The following ADD3 variants were observed in gnomAD, a reference collection of about 807,000 sequenced individuals.
ADD3 encodes the protein gamma-adducin.
Under a neutral mutation model 80.2 loss-of-function variants are expected in ADD3, and 25 were observed. The ratio of observed to expected loss-of-function variants is 0.31; its 90% CI spans 0.23 to 0.44. The LOEUF (loss-of-function observed/expected upper bound fraction) is 0.44, where lower values mean the gene tolerates loss of function less well. Ranked by LOEUF, ADD3 falls within the 20% of genes least tolerant of loss-of-function variation. The probability of loss-of-function intolerance (pLI) is 1.00; values close to 1 mark genes in which losing one functional copy is unlikely to be tolerated. For missense variants in ADD3, 829 were observed against 847.5 expected (o/e 0.98, Z 0.27); for synonymous variants, 284 against 289.6 (o/e 0.98, Z 0.20).
intron 1 of ADD3, among the ~76,000 whole-genome samples, chr10:110,011,820 C>T (rs779683783): frequency 1.3e-5 from 2 of 152,128 alleles, no homozygotes; most frequent in African/African-American, 4.8e-5. Flanking sequence ...GTTTGAACTC[C>T]GGGTCCATGC....
intron 3 of ADD3, among the ~76,000 whole-genome samples, chr10:110,115,898 T>G (rs925425259): frequency 3.3e-5 from 5 of 152,212 alleles, no homozygotes; most frequent in African/African-American, 1.2e-4. Flanking sequence ...GAAAAGTAGC[T>G]TTCTGTTGAG....
intron 1 of ADD3, among the ~76,000 whole-genome samples, chr10:110,054,519 G>A (rs1393648460): frequency 6.9e-6 from 1 of 145,554 alleles, no homozygotes; most frequent in Non-Finnish European, 1.5e-5. Context: ...TCGGCTCACT[G>A]CAACCTCCAC....
chr10:110,032,202 G>A (rs554084716), intron 1 of ADD3, among the ~76,000 whole-genome samples: 7 of 152,200 alleles, frequency 4.6e-5, no homozygotes, highest in Non-Finnish European at 7.3e-5. Flanking sequence ...TATTAAGCTG[G>A]ATAAGTGTTA....
At chr10:110,044,739 A>G (rs1482069630) in intron 1 of ADD3, among the ~76,000 whole-genome samples, 2 of 152,386 alleles carry the variant, frequency 1.3e-5, no homozygotes, top group East Asian at 3.9e-4. Context: ...ATGAGATTCA[A>G]TTAATAAGAC....
chr10:110,049,096 TGC>T (rs1432819378), intron 1 of ADD3, among the ~76,000 whole-genome samples: 13 of 152,226 alleles, frequency 8.5e-5, no homozygotes, highest in African/African-American at 3.1e-4. Context: ...TTACAGCTCA[TGC>T]TGTGGCCTCA....
intron 3 of ADD3, among the ~76,000 whole-genome samples, chr10:110,114,803 C>T (rs1247510467): frequency 6.6e-6 from 1 of 152,120 alleles, no homozygotes; most frequent in African/African-American, 2.4e-5. Context: ...CTAGGCTGGG[C>T]ACAGTGGCTC....
At chr10:110,071,483 A>G (rs1844705145) in intron 1 of ADD3, among the ~76,000 whole-genome samples, 1 of 152,224 alleles carries the variant, frequency 6.6e-6, no homozygotes, top group African/African-American at 2.4e-5. Flanking sequence ...TATTTCGTAT[A>G]TTGTGGCTAT....
At chr10:110,023,317 A>G (rs1386683261) in intron 1 of ADD3, among the ~76,000 whole-genome samples, 1 of 152,194 alleles carries the variant, frequency 6.6e-6, no homozygotes, top group Non-Finnish European at 1.5e-5. Context: ...TGAACAAGGA[A>G]GCTGGCCTTT....
intron 1 of ADD3, among the ~76,000 whole-genome samples, chr10:110,023,180 T>C (rs954996493): frequency 1.3e-5 from 2 of 152,140 alleles, no homozygotes; most frequent in African/African-American, 4.8e-5. Context: ...GTATTTGGTG[T>C]GTGATGGTAT....
chr10:110,052,267 A>G (rs111959273), intron 1 of ADD3, among the ~76,000 whole-genome samples: 46 of 152,250 alleles, frequency 3.0e-4, no homozygotes, highest in Middle Eastern at 3.4e-3. Flanking sequence ...GAAAACACCA[A>G]AGAATCACTG....
At chr10:110,031,271 C>G (rs1356926855) in intron 1 of ADD3, among the ~76,000 whole-genome samples, 1 of 152,098 alleles carries the variant, frequency 6.6e-6, no homozygotes, top group Non-Finnish European at 1.5e-5. Flanking sequence ...AAAACTCTGT[C>G]CCTCAAAAAA....
chr10:110,109,156 TTC>T (rs765414756), intron 2 of ADD3, among the ~76,000 whole-genome samples: 5 of 152,188 alleles, frequency 3.3e-5, no homozygotes, highest in Non-Finnish European at 5.9e-5. Context: ...TTCTTTAACT[TTC>T]TCATCCCACC....
intron 1 of ADD3, among the ~76,000 whole-genome samples, chr10:110,052,795 TGAC>T (rs1857671434): frequency 2.0e-5 from 3 of 152,210 alleles, no homozygotes; most frequent in African/African-American, 7.2e-5. Flanking sequence ...GGAAAGTCAG[TGAC>T]TCAAATGAAA....
chr10:110,113,419 C>T (rs1301343135), intron 3 of ADD3, among the ~76,000 whole-genome samples: 1 of 152,098 alleles, frequency 6.6e-6, no homozygotes. Context: ...AGGTGCGCGC[C>T]ACCACGCCTG....
chr10:110,029,619 G>T (rs1312175343), intron 1 of ADD3, among the ~76,000 whole-genome samples: 1 of 152,216 alleles, frequency 6.6e-6, no homozygotes, highest in African/African-American at 2.4e-5. Flanking sequence ...GCTCACCAAT[G>T]TGTAGGCCTC....
At chr10:110,114,716 GGA>G (rs1292926615) in intron 3 of ADD3, among the ~76,000 whole-genome samples, 8 of 152,132 alleles carry the variant, frequency 5.3e-5, no homozygotes, top group Non-Finnish European at 1.0e-4. Context: ...AGAAAAACCA[GGA>G]GAGAGAAGAT....
At chr10:110,118,506 T>G in intron 5 of ADD3, 81 bp from the exon 6 acceptor site, 1 of 1,256,364 alleles carries the variant, frequency 8.0e-7, no homozygotes, top group Non-Finnish European at 1.1e-6. Context: ...CAAAAAGGTT[T>G]GCTACCCCCT....
chr10:110,007,540 C>A (rs1851745086), upstream of ADD3, among the ~76,000 whole-genome samples: 1 of 152,176 alleles, frequency 6.6e-6, no homozygotes, highest in Non-Finnish European at 1.5e-5. Context: ...CTCCCCTTCG[C>A]GGTCGGGTTT....
At chr10:110,081,722 T>G (rs956944717) in intron 1 of ADD3, among the ~76,000 whole-genome samples, 2 of 152,242 alleles carry the variant, frequency 1.3e-5, no homozygotes, top group Non-Finnish European at 2.9e-5. Flanking sequence ...TTATGATTTT[T>G]TAACAATTGC....
Sources: gnomAD v4.1 joint callset for allele counts (sites outside exome capture counted in the v4.1 genomes callset) on GRCh38, gnomAD v4.1.1 for gene constraint, MANE v1.5 for transcripts, NCBI Gene and HGNC (gene_info 2026-07-23, HGNC 2026-07-21) for gene names.